Variants in MRO observed in about 807,000 individuals in gnomAD.
MRO encodes the protein protein maestro.
Under a neutral mutation model 31.0 loss-of-function variants are expected in MRO, and 28 were observed. The ratio of observed to expected loss-of-function variants is 0.90; its 90% CI spans 0.67 to 1.24. The LOEUF is 1.24. Ranked by LOEUF, MRO falls within the 50% of genes most tolerant of loss-of-function variation. The pLI, the probability that MRO is intolerant of heterozygous loss-of-function variation, is 0.00. For missense variants in MRO, 332 were observed against 289.2 expected (o/e 1.15, Z -1.07); for synonymous variants, 108 against 108.4 (o/e 1.00, Z 0.02).
chr18:50,817,998 C>CCA, intron 2 of MRO, among the ~76,000 whole-genome samples: 1 of 128,212 alleles, frequency 7.8e-6, no homozygotes, highest in Non-Finnish European at 1.6e-5. Flanking sequence ...ACTCCCACCC[C>CCA]CCGCCCCATG....
At chr18:50,810,449 T>C (rs958319798) in intron 2 of MRO, among the ~76,000 whole-genome samples, 1 of 152,164 alleles carries the variant, frequency 6.6e-6, no homozygotes, top group African/African-American at 2.4e-5. Flanking sequence ...GAAATACATA[T>C]GTACGTATAT....
upstream of MRO, chr18:50,823,644 A>C (rs1219758069): frequency 6.6e-6 from 1 of 152,344 alleles, no homozygotes; most frequent in African/African-American, 2.4e-5. Flanking sequence ...TCAAATCTTT[A>C]TGTTCGCTTT....
At position 50,809,139 on chromosome 18, in the gene MRO, C is replaced by T. The variant is rs1187263284; in HGVS notation, c.99+163G>A. On this transcript the variant is annotated intron_variant, in intron 3 of 7. Transcript: ENST00000398439. ...CAGCCTGGGCGACAGAGCGAGACTC[C>T]GTCTCAAAAAAAAAAAAAAAAAAAA... is the stretch of plus-strand genomic sequence containing the variant. 2.0e-4 allele frequency among the ~76,000 whole-genome samples: 16 copies of T among 78,832 alleles called. No homozygotes were observed. The East Asian group carries it at 3.0e-3, about 15-fold the overall frequency. 51.7% of individuals were successfully genotyped at this position (78,832 alleles called of 152,430 possible). A position where few individuals can be genotyped will look rare whatever the true frequency, so the allele number is the denominator to read the frequency against.
In MRO at chr18:50,800,101, G is replaced by A. The variant is rs755593385; in HGVS notation, c.628C>T (p.Leu210=). 21 of 1,613,612 alleles carry A rather than the reference G, an allele frequency of 1.3e-5. No individual in the cohort carries two copies. Among genetic ancestry groups the A allele is most frequent in the Non-Finnish European group, 1.8e-5 (21 of 1,179,700 alleles). The change falls in exon 7 of 8, where the codon CTA becomes TTA. Residue 210 remains leucine (L), a synonymous_variant. Coordinates refer to ENST00000398439, the MANE Select transcript of MRO (RefSeq NM_031939.6). ...CTCTGGAAGCTGTATTCCTCCTTTAGTTTCAGATATGGAGAACAGGCTTGA... is the reference window on the plus strand; with the variant it reads ...CTCTGGAAGCTGTATTCCTCCTTTAATTTCAGATATGGAGAACAGGCTTGA... ...TFQACSPYLK[L]KEEYSFQSEE...
intron 6 of MRO, 52 bp from the exon 7 acceptor site, chr18:50,800,195 A>T: frequency 7.7e-7 from 1 of 1,302,194 alleles, no homozygotes; most frequent in South Asian, 1.3e-5. Context: ...CATAATCCCA[A>T]GCAAGGAAAA....
chr18:50,821,164 A>G (rs1308725830), upstream of MRO, among the ~76,000 whole-genome samples: 2 of 152,238 alleles, frequency 1.3e-5, no homozygotes, highest in East Asian at 3.8e-4. Flanking sequence ...GCTTTTTGAA[A>G]TGGAATAAAG....
intron 7 of MRO, 22 bp from the exon 8 acceptor site, chr18:50,799,412 A>G: frequency 1.2e-6 from 2 of 1,610,484 alleles, no homozygotes; most frequent in Middle Eastern, 1.7e-4. Flanking sequence ...TAGCAAAGGT[A>G]CGCGTGAGGG....
At chr18:50,810,117 A>G (rs9957289) in intron 2 of MRO, among the ~76,000 whole-genome samples, 29,210 of 151,934 alleles carry the variant, frequency 0.19, 2,884 homozygotes, top group Non-Finnish European at 0.21. Flanking sequence ...GGTGCATGCC[A>G]CCACGCCCAA....
chr18:50,811,322 A>G (rs1914451722), intron 2 of MRO, among the ~76,000 whole-genome samples: 1 of 152,136 alleles, frequency 6.6e-6, no homozygotes, highest in African/African-American at 2.4e-5. Flanking sequence ...CATCACCCCA[A>G]AAGAAAGCCC....
At position 50,801,368 on chromosome 18, in the gene MRO, C is replaced by A. The variant is rs149505571; in HGVS notation, c.566G>T (p.Arg189Ile). The change falls in exon 6 of 8, where the codon AGA becomes ATA. Residue 189 changes from arginine (R) to isoleucine (I), a missense_variant. By Grantham distance (97) the Arg-to-Ile change is moderately conservative. Transcript: ENST00000398439. Reference sequence around the variant, plus strand: ...TCTTACCTTGGCAACCTGGGGATTTCTGTCCTGTAAATGGATCAGGAGGGA... The same window carrying A: ...TCTTACCTTGGCAACCTGGGGATTTATGTCCTGTAAATGGATCAGGAGGGA... ...RDSLLIHLQD[R>I]NPQVAKACKT... 3.4e-5 allele frequency: 54 copies of A among 1,592,592 alleles called. No individual in the cohort carries two copies. Among genetic ancestry groups the A allele is most frequent in the Non-Finnish European group, 4.3e-5 (50 of 1,167,310 alleles).
In MRO at chr18:50,810,386, C is replaced by A. The variant is rs539764054; in HGVS notation, c.-4-982G>T. Among the ~76,000 whole-genome samples the A allele has an allele frequency of 1.6e-3, 249 of 152,266 alleles. 1 individual carries two copies. The highest frequency in any genetic ancestry group is 5.9e-3 in the African/African-American group (244 of 41,548). ...ACGATATACTGTTGAGTGAAAAGTG[C>A]AAATCCATGTGTACAGTATGTTACT... On this transcript the variant is annotated intron_variant, in intron 2 of 7. Coordinates refer to ENST00000398439, the MANE Select transcript of MRO (RefSeq NM_031939.6).
chr18:50,821,257 G>A (rs1172918036), upstream of MRO, among the ~76,000 whole-genome samples: 1 of 152,088 alleles, frequency 6.6e-6, no homozygotes, highest in Non-Finnish European at 1.5e-5. Context: ...AGGTGGAGGG[G>A]GCATCAAGGG....
In MRO at chr18:50,805,157, A is replaced by T; in HGVS notation, c.426T>A (p.Asp142Glu). 1 of 1,609,442 alleles carries T rather than the reference A, an allele frequency of 6.2e-7. No homozygotes were observed. The highest frequency in any genetic ancestry group is 8.5e-7 in the Non-Finnish European group (1 of 1,176,254). Reference protein sequence around the residue: ...DITLQTRTLLDDENDSLRYSA... With the variant: ...DITLQTRTLLEDENDSLRYSA... ...AGAATTTTTCTGATTTACTTACGTC[A>T]TCTAATAAAGTCCTGGTCTGAAGGG... Residue 142 changes from aspartate (D) to glutamate (E), a missense_variant, in exon 5 of 8, where the codon GAT (aspartate) becomes GAA (glutamate). Asp to Glu is a conservative substitution (Grantham distance 45). Coordinates refer to ENST00000398439, the MANE Select transcript of MRO (RefSeq NM_031939.6).
At chr18:50,819,750 G>C in intron 1 of MRO, 48 bp from the exon 2 acceptor site, 3 of 1,548,510 alleles carry the variant, frequency 1.9e-6, no homozygotes, top group Non-Finnish European at 2.6e-6. Flanking sequence ...GTCTGTCCAG[G>C]ATAACGGGTC....
At chr18:50,810,754 C>T (rs1914405506) in intron 2 of MRO, among the ~76,000 whole-genome samples, 1 of 152,202 alleles carries the variant, frequency 6.6e-6, no homozygotes, top group South Asian at 2.1e-4. Flanking sequence ...TTCAGTGTGT[C>T]TGCAGCGGGA....
intron 2 of MRO, among the ~76,000 whole-genome samples, chr18:50,816,768 T>A (rs1348467807): frequency 6.6e-6 from 1 of 152,000 alleles, no homozygotes; most frequent in Non-Finnish European, 1.5e-5. Context: ...AATGAAAAAA[T>A]CTCAAATTTC....
intron 2 of MRO, among the ~76,000 whole-genome samples, chr18:50,810,768 C>T (rs1032376254): frequency 3.3e-5 from 5 of 152,288 alleles, no homozygotes; most frequent in African/African-American, 1.2e-4. Flanking sequence ...AGCGGGAACT[C>T]GAGATTCTGC....
intron 2 of MRO, chr18:50,815,785 G>C: frequency 2.9e-6 from 1 of 341,332 alleles, no homozygotes; most frequent in Non-Finnish European, 5.7e-6. Flanking sequence ...TGTAATCCCA[G>C]CACTTTGGGA....
At chr18:50,819,434 A>C in intron 2 of MRO, 147 bp downstream of exon 2, 1 of 1,435,296 alleles carries the variant, frequency 7.0e-7, no homozygotes, top group Non-Finnish European at 9.1e-7. Context: ...TCAGTTTTAC[A>C]AAGAGAACAT....
Sources: gnomAD v4.1 joint callset for allele counts (sites outside exome capture counted in the v4.1 genomes callset) on GRCh38, gnomAD v4.1.1 for gene constraint, MANE v1.5 for transcripts, NCBI Gene and HGNC (gene_info 2026-07-23, HGNC 2026-07-21) for gene names.